The following GRM7 variants were observed in gnomAD, a reference collection of about 807,000 sequenced individuals.
The protein encoded by GRM7 is glutamate metabotropic receptor 7, also known as metabotropic glutamate receptor 7.
A neutral mutation model predicts 84.5 loss-of-function variants in GRM7; 35 were observed. The ratio of observed to expected loss-of-function variants is 0.41; its 90% confidence interval spans 0.32 to 0.55. The LOEUF is 0.55. GRM7 is among the 20% of genes least tolerant of loss of function. GRM7 has a pLI of 0.19. For missense variants in GRM7, 1,003 were observed against 1,194.6 expected, an observed-to-expected ratio of 0.84 and a Z score of 2.36; for synonymous variants, 487 against 455.1, an observed-to-expected ratio of 1.07 and a Z score of -0.89.
At chr3:7,626,564 A>C (rs1032937117) in intron 8 of GRM7, among the ~76,000 whole-genome samples, 5 of 152,174 alleles carry the variant, frequency 3.3e-5, no homozygotes, top group African/African-American at 1.2e-4. Flanking sequence ...AGCATGTGCC[A>C]TGCCTCTGCC....
intron 7 of GRM7, among the ~76,000 whole-genome samples, chr3:7,511,786 G>C (rs1700219451): frequency 6.6e-6 from 1 of 152,128 alleles, no homozygotes. Context: ...AGGATGTCTT[G>C]GTATCATATC....
intron 4 of GRM7, among the ~76,000 whole-genome samples, chr3:7,308,511 C>T (rs1455356593): frequency 3.3e-5 from 5 of 152,132 alleles, no homozygotes; most frequent in African/African-American, 4.8e-5. Context: ...ATGGAGGAAT[C>T]GCAGATCATA....
At chr3:6,997,648 A>G (rs1202495205) in intron 1 of GRM7, among the ~76,000 whole-genome samples, 3 of 152,150 alleles carry the variant, frequency 2.0e-5, no homozygotes, top group Non-Finnish European at 2.9e-5. Flanking sequence ...GTGGGTGGGG[A>G]CACCACCAAA....
chr3:7,076,078 G>C (rs1193491773), intron 1 of GRM7, among the ~76,000 whole-genome samples: 3 of 152,004 alleles, frequency 2.0e-5, no homozygotes, highest in African/African-American at 7.3e-5. Context: ...CTGTGTTCCT[G>C]CCATGTGTGA....
At chr3:7,601,862 T>G (rs1165614969) in intron 8 of GRM7, among the ~76,000 whole-genome samples, 2 of 152,038 alleles carry the variant, frequency 1.3e-5, no homozygotes, top group Non-Finnish European at 2.9e-5. Flanking sequence ...GGAAGAAGTG[T>G]CATTCCTTGA....
intron 1 of GRM7, among the ~76,000 whole-genome samples, chr3:6,951,233 A>G (rs1692747748): frequency 6.6e-6 from 1 of 152,196 alleles, no homozygotes; most frequent in African/African-American, 2.4e-5. Context: ...TTTTCAAAGA[A>G]TCAGCTTTGT....
chr3:6,893,699 C>A (rs1696059660), intron 1 of GRM7, among the ~76,000 whole-genome samples: 1 of 152,164 alleles, frequency 6.6e-6, no homozygotes, highest in African/African-American at 2.4e-5. Flanking sequence ...CTAACACCCA[C>A]ACAATTTATA....
chr3:7,174,499 A>T (rs1454938017), intron 2 of GRM7, among the ~76,000 whole-genome samples: 2 of 152,202 alleles, frequency 1.3e-5, no homozygotes, highest in Admixed American at 1.3e-4. Context: ...GCACTGTATT[A>T]TCTAGGGCAG....
chr3:7,298,872 G>A (rs1362695405), intron 3 of GRM7, 47 bp downstream of exon 3: 5 of 1,525,962 alleles, frequency 3.3e-6, no homozygotes, highest in Non-Finnish European at 3.6e-6. Context: ...TGCAATTTTA[G>A]GAGAGAGAAA....
At chr3:7,461,965 G>A (rs1460884109) in intron 7 of GRM7, among the ~76,000 whole-genome samples, 1 of 152,090 alleles carries the variant, frequency 6.6e-6, no homozygotes, top group African/African-American at 2.4e-5. Context: ...CATTTAATCT[G>A]AGACTGGGGT....
intron 7 of GRM7, among the ~76,000 whole-genome samples, chr3:7,529,221 TA>T (rs1188363282): frequency 6.6e-6 from 1 of 152,148 alleles, no homozygotes; most frequent in East Asian, 1.9e-4. Context: ...AAGCTCCTAT[TA>T]GTCATCAAAT....
intron 4 of GRM7, among the ~76,000 whole-genome samples, chr3:7,311,577 T>C (rs142002834): frequency 2.0e-5 from 3 of 150,294 alleles, no homozygotes; most frequent in Non-Finnish European, 2.9e-5. Context: ...CTCAATCTTA[T>C]GGCACTTGTG....
At chr3:7,618,805 C>A (rs1293792349) in intron 8 of GRM7, among the ~76,000 whole-genome samples, 1 of 152,102 alleles carries the variant, frequency 6.6e-6, no homozygotes. Flanking sequence ...GAGGTGCTGA[C>A]AACTGCTTCC....
intron 1 of GRM7, among the ~76,000 whole-genome samples, chr3:6,945,781 T>C (rs1450044854): frequency 6.6e-6 from 1 of 152,218 alleles, no homozygotes; most frequent in African/African-American, 2.4e-5. Context: ...GGTACCTCAT[T>C]GTGGTTTTGA....
At chr3:7,399,436 G>T (rs1462446245) in intron 4 of GRM7, among the ~76,000 whole-genome samples, 9 of 152,098 alleles carry the variant, frequency 5.9e-5, no homozygotes, top group Admixed American at 2.0e-4. Flanking sequence ...TGGAGCCAAA[G>T]ATCTGAATGA....
chr3:7,141,148 T>C (rs1228195909), intron 1 of GRM7, among the ~76,000 whole-genome samples: 1 of 151,976 alleles, frequency 6.6e-6, no homozygotes. Flanking sequence ...AAACTCTAGC[T>C]GAAGTAATTA....
intron 1 of GRM7, among the ~76,000 whole-genome samples, chr3:7,120,861 G>A (rs1693193814): frequency 6.6e-6 from 1 of 152,098 alleles, no homozygotes. Context: ...TAGAAGGGTT[G>A]GAATTATGAA....
chr3:7,069,887 G>A (rs1697798598), intron 1 of GRM7, among the ~76,000 whole-genome samples: 1 of 152,050 alleles, frequency 6.6e-6, no homozygotes, highest in Non-Finnish European at 1.5e-5. Flanking sequence ...AGATTTTTAA[G>A]TACTTTACAC....
At chr3:7,012,564 CT>C (rs1308772150) in intron 1 of GRM7, among the ~76,000 whole-genome samples, 2 of 152,068 alleles carry the variant, frequency 1.3e-5, no homozygotes, top group African/African-American at 4.8e-5. Flanking sequence ...TCCTTCTCCC[CT>C]GAAGAGGTCA....
Sources: gnomAD v4.1 joint callset for allele counts (sites outside exome capture counted in the v4.1 genomes callset) on GRCh38, gnomAD v4.1.1 for gene constraint, MANE v1.5 for transcripts, NCBI Gene and HGNC (gene_info 2026-07-23, HGNC 2026-07-21) for gene names.